APOL1: variants seen among roughly 807,000 people sequenced by gnomAD.
APOL1 encodes the protein apolipoprotein L1.
In APOL1, 17 loss-of-function variants were observed where a neutral mutation model predicts 14.9. That is an observed-to-expected ratio of 1.14 (90% CI 0.78 to 1.71). APOL1 has a LOEUF of 1.71. Ranked by LOEUF, APOL1 falls within the 40% of genes most tolerant of loss-of-function variation. APOL1 has a pLI of 0.00. For missense variants in APOL1, 523 were observed against 485.9 expected (o/e 1.08, Z -0.72); for synonymous variants, 195 against 184.8 (o/e 1.05, Z -0.45).
Position 36,254,132 on chromosome 22 carries a change from GC to G in APOL1, c.-19-802del, listed in dbSNP as rs1251862406. 33 of 870,772 alleles carry G rather than the reference GC, an allele frequency of 3.8e-5. No individual in the cohort carries two copies. The African/African-American group carries it at 4.2e-4, about 11-fold the overall frequency. The allele number at this position is 870,772 out of a possible 1,614,324, so 53.9% of individuals were successfully genotyped here. A position where few individuals can be genotyped will look rare whatever the true frequency, so the allele number is the denominator to read the frequency against. On this transcript the variant is annotated intron_variant, in intron 1 of 5. Coordinates refer to ENST00000397278, the MANE Select transcript of APOL1 (RefSeq NM_003661.4). ...AAGGGCAGATGTTGGCCTCCCCTCT[GC>G]CCTCCAAGAGCTGTGTGACTCTGGG...
intron 4 of APOL1, 93 bp downstream of exon 4, chr22:36,257,500 A>G: frequency 7.8e-7 from 1 of 1,287,050 alleles, no homozygotes; most frequent in Non-Finnish European, 1.1e-6. Context: ...AAGAACCCGG[A>G]TGGACTAGGA....
At chr22:36,263,155 G>A (rs1299126858) in intron 5 of APOL1, among the ~76,000 whole-genome samples, 6 of 152,234 alleles carry the variant, frequency 3.9e-5, no homozygotes, top group Admixed American at 3.9e-4. Flanking sequence ...GGGGGTGCAG[G>A]TGGTAGGTCA....
At chr22:36,265,128 T>A in intron 5 of APOL1, 23 bp from the exon 6 acceptor site, 1 of 1,612,090 alleles carries the variant, frequency 6.2e-7, no homozygotes, top group Non-Finnish European at 8.5e-7. Context: ...CATTTCTTAA[T>A]CCTTTAACCT....
At chr22:36,253,762 G>A (rs1433166514) in intron 1 of APOL1, 2 of 610,494 alleles carry the variant, frequency 3.3e-6, no homozygotes. Context: ...CTTGCCCAGG[G>A]TCCCGTGTCA....
chr22:36,257,571 C>G (rs1278567051), intron 4 of APOL1, 164 bp downstream of exon 4: 1 of 717,192 alleles, frequency 1.4e-6, no homozygotes, highest in Non-Finnish European at 2.4e-6. Flanking sequence ...ACCCAGGGGT[C>G]TGGGGGTCAT....
In APOL1 at chr22:36,266,389, C is replaced by G. The variant is rs1367855010; in HGVS notation, c.*356C>G. ...CAGGCGTGAGCCATCGCTTTTGACC[C>G]AAATGCAAACATTTTATTAGGGGGA... On this transcript the variant is annotated 3_prime_UTR_variant, in exon 6 of 6. Transcript: ENST00000397278. 1 of 408,278 alleles carries G rather than the reference C, an allele frequency of 2.4e-6. No homozygotes were observed. Among genetic ancestry groups the G allele is most frequent in the Admixed American group, 4.0e-5 (1 of 24,700 alleles). The allele number at this position is 408,278 out of a possible 1,614,324, so 25.3% of individuals were successfully genotyped here.
At chr22:36,253,476 A>G (rs540847318) in intron 1 of APOL1, among the ~76,000 whole-genome samples, 1 of 152,268 alleles carries the variant, frequency 6.6e-6, no homozygotes, top group East Asian at 1.9e-4. Context: ...GACTGAGTGA[A>G]CCCAGAAGGA....
chr22:36,264,126 A>G (rs1448558893), intron 5 of APOL1, among the ~76,000 whole-genome samples: 1 of 152,186 alleles, frequency 6.6e-6, no homozygotes, highest in Non-Finnish European at 1.5e-5. Flanking sequence ...GAGTTGGTCA[A>G]GGAGAAAGTC....
intron 1 of APOL1, among the ~76,000 whole-genome samples, chr22:36,254,645 G>A (rs1342940827): frequency 6.6e-6 from 1 of 152,078 alleles, no homozygotes; most frequent in Non-Finnish European, 1.5e-5. Context: ...AGGTGGTCAC[G>A]AGGTCAGGAT....
At position 36,261,583 on chromosome 22, in the gene APOL1, T is replaced by A; in HGVS notation, c.188-13T>A. ...ACTTTCCTCCAACCTTATCCTTTCT[T>A]CTTTCCAACTAGAGAGCAGTATCTT... is the stretch of plus-strand genomic sequence containing the variant. On this transcript the variant is annotated splice_polypyrimidine_tract_variant and intron_variant, in intron 4 of 5. Transcript: ENST00000397278. The A allele has an allele frequency of 6.2e-7, 1 of 1,611,528 alleles. No homozygotes were observed. The highest frequency in any genetic ancestry group is 8.5e-7 in the Non-Finnish European group (1 of 1,177,948).
rs2016240072 is a variant in APOL1, at chr22:36,265,870, T to C, written c.1034T>C (p.Leu345Pro). Residue 345 changes from leucine to proline, a missense_variant, in exon 6 of 6, where the codon CTT becomes CCT. Transcript: ENST00000397278. ...GATGTGGCCCCTGTAAGCTTCTTTC[T>C]TGTGCTGGATGTAGTCTACCTCGTG... is the stretch of plus-strand genomic sequence containing the variant. ...LTDVAPVSFFLVLDVVYLVYE... is the reference protein window; with the variant it reads ...LTDVAPVSFFPVLDVVYLVYE... 6.2e-7 allele frequency: 1 copy of C among 1,614,088 alleles called. No individual in the cohort carries two copies. The highest frequency in any genetic ancestry group is 8.5e-7 in the Non-Finnish European group (1 of 1,180,054).
At chr22:36,254,818 G>A (rs1028895811) in intron 1 of APOL1, 119 bp from the exon 2 acceptor site, 175 of 1,307,640 alleles carry the variant, frequency 1.3e-4, no homozygotes, top group Admixed American at 9.0e-4. Flanking sequence ...AGCCTAGATC[G>A]CCCCACTGCA....
In APOL1 at chr22:36,265,336, A is replaced by C. The variant is rs2016204236; in HGVS notation, c.500A>C (p.Lys167Thr). 6.2e-7 allele frequency: 1 copy of C among 1,611,620 alleles called. No individual in the cohort carries two copies. Among genetic ancestry groups the C allele is most frequent in the Non-Finnish European group, 8.5e-7 (1 of 1,178,600 alleles). Residue 167 changes from lysine (K) to threonine (T), a missense_variant, in exon 6 of 6, where the codon AAG (lysine) becomes ACG (threonine). Coordinates refer to ENST00000397278, the MANE Select transcript of APOL1 (RefSeq NM_003661.4). The stretch of plus-strand genomic sequence containing the variant: ...CGTGCCCTTGCAGATGGGGTTCAGA[A>C]GGTCCACAAAGGCACCACCATCGCC... ...RLRALADGVQKVHKGTTIANV... is the reference protein window; with the variant it reads ...RLRALADGVQTVHKGTTIANV...
At chr22:36,254,786 C>G (rs1357943138) in intron 1 of APOL1, 151 bp from the exon 2 acceptor site, 3 of 942,728 alleles carry the variant, frequency 3.2e-6, no homozygotes, top group Non-Finnish European at 3.2e-6. Flanking sequence ...TGGCGTGAAC[C>G]CGGGAGGCAG....
chr22:36,263,524 C>G lies in APOL1; in HGVS notation c.315-1627C>G, dbSNP rs547502372. ...TATTTCACAATTGTGGTTGATCACA[C>G]GGAAAGAACACAGATTAAAATCAGC... On this transcript the variant is annotated intron_variant, in intron 5 of 5. Transcript: ENST00000397278. Among the ~76,000 whole-genome samples the G allele has an allele frequency of 2.6e-5, 4 of 152,330 alleles. No homozygotes were observed. The East Asian group carries it at 5.8e-4, about 22-fold the overall frequency.
At chr22:36,263,809 C>G (rs2146308806) in intron 5 of APOL1, among the ~76,000 whole-genome samples, 1 of 152,260 alleles carries the variant, frequency 6.6e-6, no homozygotes, top group East Asian at 1.9e-4. Flanking sequence ...GGAGTCACAG[C>G]CAACACCAGG....
rs776734646 is a variant in APOL1 at position 36,266,084 on chromosome 22, C to A, written c.*51C>A. 6.6e-7 allele frequency: 1 copy of A among 1,514,236 alleles called. No individual in the cohort carries two copies. 93.8% of individuals were successfully genotyped at this position (1,514,236 alleles called of 1,614,324 possible). The stretch of plus-strand genomic sequence containing the variant: ...GAGATATGCCTGGCAGGGGCCAGGA[C>A]AAAATGCAAACTTTTTTTTTTTTCT... On this transcript the variant is annotated 3_prime_UTR_variant, in exon 6 of 6. Transcript: ENST00000397278.
At chr22:36,263,063 C>G (rs963938300) in intron 5 of APOL1, among the ~76,000 whole-genome samples, 1 of 152,148 alleles carries the variant, frequency 6.6e-6, no homozygotes, top group Non-Finnish European at 1.5e-5. Flanking sequence ...TTGCAAATGG[C>G]CTTGGTGTGC....
intron 1 of APOL1, chr22:36,253,729 C>G: frequency 1.8e-6 from 1 of 566,260 alleles, no homozygotes; most frequent in Non-Finnish European, 3.2e-6. Context: ...TGTGGGGAAA[C>G]TGAGGCCCTG....
Sources: gnomAD v4.1 joint callset for allele counts (sites outside exome capture counted in the v4.1 genomes callset) on GRCh38, gnomAD v4.1.1 for gene constraint, MANE v1.5 for transcripts, NCBI Gene and HGNC (gene_info 2026-07-23, HGNC 2026-07-21) for gene names.